The following ZNF511 variants were observed in gnomAD, a reference collection of about 807,000 sequenced individuals.
ZNF511 encodes zinc finger protein 511.
ZNF511 carries 26 observed loss-of-function variants against 24.8 expected under a neutral mutation model. The observed-to-expected ratio is 1.05, with a 90% CI of 0.77 to 1.46. The LOEUF is 1.46. ZNF511 is among the 40% of genes most tolerant of loss of function. The pLI is 0.00. For missense variants in ZNF511, 358 were observed against 345.0 expected (o/e 1.04, Z -0.30); for synonymous variants, 144 against 139.6 (o/e 1.03, Z -0.22).
At position 133,308,927 on chromosome 10, in the gene ZNF511, C is replaced by T. The variant is rs1460279234; in HGVS notation, c.-17C>T. On this transcript the variant is annotated 5_prime_UTR_variant, in exon 1 of 6. Coordinates refer to ENST00000361518, the MANE Select transcript of ZNF511 (RefSeq NM_145806.4). ...CGGACGGTGGCCGACAGGCTGCGCC[C>T]GCCCGCGCCCGGGGTGATGCAGTTG... 4 of 1,217,322 alleles carry T rather than the reference C, an allele frequency of 3.3e-6. No homozygotes were observed. In the East Asian group the frequency reaches 1.3e-4, roughly 41 times the overall value. The allele number at this position is 1,217,322 out of a possible 1,614,324, so 75.4% of individuals were successfully genotyped here.
rs1564778524 is a variant in ZNF511, at chr10:133,310,175, G to GAGAGAGAGAGA, written c.441_442insAGAGAGAGAGA (p.Val148ArgfsTer5). ...GGTCTCCATTTCAGTATCAGTGCTT[G>GAGAGAGAGAGA]GTAGAAGGCTGCACAGAGAAGTTCA... On this transcript the variant is annotated frameshift_variant, in exon 4 of 6. Transcript: ENST00000361518. LOFTEE classifies it high-confidence loss of function. 4 of 1,613,950 alleles carry GAGAGAGAGAGA rather than the reference G, an allele frequency of 2.5e-6. No homozygotes were observed. The highest frequency in any genetic ancestry group is 3.4e-6 in the Non-Finnish European group (4 of 1,180,042).
chr10:133,312,529 C>A, intron 5 of ZNF511: 1 of 1,368,402 alleles, frequency 7.3e-7, no homozygotes. Flanking sequence ...GAAGTCTCAG[C>A]CCCAGAGGGC....
At chr10:133,310,368 T>C (rs1342262669) in intron 4 of ZNF511, 80 bp downstream of exon 4, 6 of 1,568,794 alleles carry the variant, frequency 3.8e-6, no homozygotes, top group African/African-American at 1.4e-5. Flanking sequence ...GCATAGACGG[T>C]CAGACTTATT....
chr10:133,312,577 C>T (rs906786278), intron 5 of ZNF511: 10 of 1,443,218 alleles, frequency 6.9e-6, no homozygotes, highest in African/African-American at 1.4e-5. Context: ...TTCTTCCCAG[C>T]GGGTGTGCGT....
At chr10:133,310,589 G>A in intron 4 of ZNF511, 1 of 412,316 alleles carries the variant, frequency 2.4e-6, no homozygotes, top group Non-Finnish European at 4.5e-6. Context: ...TCTGGGCCAT[G>A]CCTGTACCTC....
intron 4 of ZNF511, among the ~76,000 whole-genome samples, chr10:133,311,439 C>T (rs1847985427): frequency 1.3e-5 from 2 of 152,176 alleles, no homozygotes; most frequent in African/African-American, 4.8e-5. Context: ...ACCCGTGGCA[C>T]CGTTGGCACC....
At chr10:133,310,597 C>CT (rs1847969206) in intron 4 of ZNF511, 1 of 390,454 alleles carries the variant, frequency 2.6e-6, no homozygotes, top group Non-Finnish European at 4.8e-6. Context: ...ATGCCTGTAC[C>CT]TCCTGCAGCA....
chr10:133,312,866 A>G lies in ZNF511; in HGVS notation c.759A>G (p.Ter253TrpextTer1). Residue 253 changes from the stop codon to tryptophan (W), a stop_lost, in exon 6 of 6, where the codon TGA (stop) becomes TGG (tryptophan). Transcript: ENST00000361518. ...KSNKKKTKQC[*>W] ...ACAAGAAGAAAACCAAACAATGCTG[A>G]TAGACTCAGAAAAGGAGTGGGGGGC... is the stretch of plus-strand genomic sequence containing the variant. The G allele has an allele frequency of 1.9e-6, 3 of 1,614,184 alleles. No homozygotes were observed.
At position 133,311,833 on chromosome 10, in the gene ZNF511, C is replaced by T. The variant is rs746144174; in HGVS notation, c.672C>T (p.Tyr224=). 1 of 1,613,396 alleles carries T rather than the reference C, an allele frequency of 6.2e-7. No individual in the cohort carries two copies. Among genetic ancestry groups the T allele is most frequent in the Admixed American group, 1.7e-5 (1 of 60,028 alleles). ...SPAPAGERRI[Y]RHRIPSTICF... is the part of the protein sequence containing the mutation. ...CACCGGCAGGTGAGAGGCGGATCTA[C>T]AGACATAGGTCAGTGTCTGAGCTCT... The change falls in exon 5 of 6, where the codon TAC becomes TAT. Residue 224 remains tyrosine, a synonymous_variant. Transcript: ENST00000361518.
chr10:133,309,291 G>A (rs1381265802), intron 1 of ZNF511, 99 bp from the exon 2 acceptor site: 1 of 1,452,042 alleles, frequency 6.9e-7, no homozygotes, highest in Non-Finnish European at 9.3e-7. Flanking sequence ...GGGCGGGACC[G>A]GAGCGCGGGA....
intron 1 of ZNF511, 139 bp downstream of exon 1, chr10:133,309,235 G>T (rs1038483526): frequency 1.0e-6 from 1 of 975,284 alleles, no homozygotes; most frequent in Non-Finnish European, 1.3e-6. Flanking sequence ...GACCTGAGGT[G>T]GTGGGGCGGG....
chr10:133,311,975 G>C (rs139846723), intron 5 of ZNF511, 134 bp downstream of exon 5: 1 of 1,609,724 alleles, frequency 6.2e-7, no homozygotes, highest in Non-Finnish European at 8.5e-7. Flanking sequence ...ATCGGCTTCC[G>C]CCAGAGAAGA....
chr10:133,310,376 A>T lies in ZNF511; in HGVS notation c.554+88A>T, dbSNP rs775936204. 825 of 1,542,074 alleles carry T rather than the reference A, an allele frequency of 5.3e-4. 12 individuals are homozygous for T. The highest frequency in any genetic ancestry group is 3.4e-4 in the Middle Eastern group (2 of 5,798). ...CCGGAATGCATAGACGGTCAGACTT[A>T]TTAAGCACTTGTGTGTCACCTAATG... On this transcript the variant is annotated intron_variant, in intron 4 of 5. Transcript: ENST00000361518.
At chr10:133,312,066 C>G (rs1848003101) in intron 5 of ZNF511, 1 of 1,468,038 alleles carries the variant, frequency 6.8e-7, no homozygotes, top group Non-Finnish European at 9.0e-7. Flanking sequence ...CGCAGGAATG[C>G]CAAGCACCAC....
rs929241720 is a variant in ZNF511, at chr10:133,309,019, G to A, written c.76G>A (p.Asp26Asn). The change falls in exon 1 of 6, where the codon GAT becomes AAT. Residue 26 changes from aspartate (D) to asparagine (N), a missense_variant. Asp to Asn is a conservative substitution (Grantham distance 23). Coordinates refer to ENST00000361518, the MANE Select transcript of ZNF511 (RefSeq NM_145806.4). The part of the protein sequence containing the change: ...GAAEPLPVER[D>N]PAAGAAPFRF... ...GGCGGAGCCGCTGCCTGTAGAGCGG[G>A]ATCCCGCGGCTGGGGCCGCGCCCTT... is the stretch of plus-strand genomic sequence containing the variant. 22 of 1,261,634 alleles carry A rather than the reference G, an allele frequency of 1.7e-5. No individual in the cohort carries two copies. The South Asian group carries it at 2.4e-4, about 14-fold the overall frequency. 78.2% of individuals were successfully genotyped at this position (1,261,634 alleles called of 1,614,324 possible).
chr10:133,311,552 T>C (rs1847988342), intron 4 of ZNF511, 164 bp from the exon 5 acceptor site: 1 of 608,558 alleles, frequency 1.6e-6, no homozygotes, highest in Non-Finnish European at 2.9e-6. Flanking sequence ...CATTCTCCTT[T>C]TCCCAGTATC....
rs928072222 is a variant in ZNF511 at position 133,313,158 on chromosome 10, C to T, written c.*292C>T. The T allele has an allele frequency of 5.6e-6, 3 of 535,534 alleles. No individual in the cohort carries two copies. The highest frequency in any genetic ancestry group is 1.9e-5 in the African/African-American group (1 of 51,874). The allele number at this position is 535,534 out of a possible 1,614,324, so 33.2% of individuals were successfully genotyped here. On this transcript the variant is annotated 3_prime_UTR_variant, in exon 6 of 6. Coordinates refer to ENST00000361518, the MANE Select transcript of ZNF511 (RefSeq NM_145806.4). Reference sequence around the variant, plus strand: ...AAACACATGAAATAAGTATTTTTCACTGATGGTCTTGAGTCTTCATTTCTG... The same window carrying T: ...AAACACATGAAATAAGTATTTTTCATTGATGGTCTTGAGTCTTCATTTCTG...
At chr10:133,310,313 G>A (rs772257177) in intron 4 of ZNF511, 25 bp downstream of exon 4, 36 of 1,612,460 alleles carry the variant, frequency 2.2e-5, no homozygotes, top group Non-Finnish European at 3.0e-5. Context: ...GGCTCAGCAC[G>A]TGTCTGCTTT....
At chr10:133,309,572 G>T in intron 2 of ZNF511, 109 bp downstream of exon 2, 2 of 1,355,994 alleles carry the variant, frequency 1.5e-6, no homozygotes, top group Non-Finnish European at 2.0e-6. Context: ...CCGCCCCACC[G>T]AGGCGCTGTG....
Sources: allele counts gnomAD v4.1 joint callset (sites outside exome capture counted in the v4.1 genomes callset), GRCh38; gene constraint gnomAD v4.1.1; transcripts MANE v1.5; gene names NCBI Gene and HGNC (gene_info 2026-07-23, HGNC 2026-07-21).